HIBCH: variants seen among roughly 807,000 people sequenced by gnomAD.
HIBCH encodes 3-hydroxyisobutyryl-CoA hydrolase.
A neutral mutation model predicts 58.2 loss-of-function variants in HIBCH; 50 were observed. The ratio of observed to expected loss-of-function variants is 0.86; its 90% CI spans 0.68 to 1.09. The LOEUF is 1.09. HIBCH is among the 50% of genes least tolerant of loss of function. HIBCH has a pLI of 0.00. For synonymous variants in HIBCH, 151 were observed against 146.9 expected (o/e 1.03, Z -0.20); for missense variants, 450 against 449.7 (o/e 1.00, Z -0.01).
intron 11 of HIBCH, among the ~76,000 whole-genome samples, chr2:190,241,728 G>A (rs2105930137): frequency 6.6e-6 from 1 of 152,256 alleles, no homozygotes; most frequent in South Asian, 2.1e-4. Context: ...ATGAAGCTTA[G>A]TTTGGCTGGA....
At position 190,297,977 on chromosome 2, in the gene HIBCH, C is replaced by T. The variant is rs367732412; in HGVS notation, c.79-1024G>A. Among the ~76,000 whole-genome samples the T allele has an allele frequency of 7.9e-5, 11 of 139,744 alleles. No homozygotes were observed. In the East Asian group the frequency reaches 1.0e-3, roughly 13 times the overall value. 91.7% of individuals were successfully genotyped at this position (139,744 alleles called of 152,430 possible). On this transcript the variant is annotated intron_variant, in intron 2 of 13. Transcript: ENST00000359678. ...GTGTCTGTGTGTTCTCATTGTTCAA[C>T]TCCCACTTATCAGTGAGAACATATG...
intron 1 of HIBCH, among the ~76,000 whole-genome samples, chr2:190,194,731 T>C (rs978387302): frequency 1.3e-5 from 2 of 152,236 alleles, no homozygotes; most frequent in African/African-American, 4.8e-5. Context: ...CTGGTCTTTT[T>C]ACTGTCTCCA....
intron 6 of HIBCH, among the ~76,000 whole-genome samples, chr2:190,261,552 A>G (rs112048488): frequency 2.0e-5 from 3 of 151,966 alleles, no homozygotes; most frequent in South Asian, 2.1e-4. Flanking sequence ...TTTTTTCCCT[A>G]TGTATTTCTT....
intron 1 of HIBCH, among the ~76,000 whole-genome samples, chr2:190,193,060 G>C (rs1043516189): frequency 7.2e-5 from 11 of 152,052 alleles, no homozygotes; most frequent in Admixed American, 4.6e-4. Flanking sequence ...TCATGAGAAT[G>C]ACTATTGCTG....
chr2:190,266,121 A>C (rs1409268720), intron 6 of HIBCH, among the ~76,000 whole-genome samples: 1 of 152,178 alleles, frequency 6.6e-6, no homozygotes, highest in African/African-American at 2.4e-5. Flanking sequence ...GGGACAGATA[A>C]TGTATTCTGT....
chr2:190,264,768 C>CA (rs1429206424), intron 6 of HIBCH, among the ~76,000 whole-genome samples: 1 of 152,046 alleles, frequency 6.6e-6, no homozygotes, highest in Non-Finnish European at 1.5e-5. Context: ...TGTTTTGGTG[C>CA]AAAAGTGCAC....
chr2:190,231,725 G>A (rs1472535349), intron 11 of HIBCH, among the ~76,000 whole-genome samples: 1 of 152,060 alleles, frequency 6.6e-6, no homozygotes. Flanking sequence ...GTATGAGACG[G>A]AGGAAGGAAG....
chr2:190,302,766 G>T (rs985082464), intron 2 of HIBCH, among the ~76,000 whole-genome samples: 2 of 152,070 alleles, frequency 1.3e-5, no homozygotes, highest in Admixed American at 1.3e-4. Flanking sequence ...TCATTGGGGG[G>T]AACAGGATTT....
intron 1 of HIBCH, among the ~76,000 whole-genome samples, chr2:190,318,970 G>A (rs115380248): frequency 2.6e-5 from 4 of 152,202 alleles, no homozygotes; most frequent in Non-Finnish European, 5.9e-5. Context: ...AAACCCAGAA[G>A]GCAAACTCTA....
chr2:190,231,034 T>C (rs541848130), intron 11 of HIBCH, among the ~76,000 whole-genome samples: 18 of 152,330 alleles, frequency 1.2e-4, no homozygotes, highest in African/African-American at 3.1e-4. Flanking sequence ...TCAAAAGCCA[T>C]TGTCCCAGAA....
At position 190,210,293 on chromosome 2, in the gene HIBCH, C is replaced by T. The variant is rs1690487278; in HGVS notation, c.1012-1380G>A. On this transcript the variant is annotated intron_variant, in intron 12 of 13. Coordinates refer to ENST00000359678, the MANE Select transcript of HIBCH (RefSeq NM_014362.4). This position sits in a 1 kb window ranked among gnomAD's most constrained non-coding sequence, Gnocchi z 5.5. ...CAAATGACACTTCTAACCTCGTCTA[C>T]ACTTTGACAGCGTTCAACACTGTCC... 6.6e-6 allele frequency among the ~76,000 whole-genome samples: 1 copy of T among 152,208 alleles called. No homozygotes were observed. The highest frequency in any genetic ancestry group is 1.5e-5 in the Non-Finnish European group (1 of 68,046).
intron 1 of HIBCH, among the ~76,000 whole-genome samples, chr2:190,317,005 C>T (rs1276413509): frequency 1.3e-5 from 2 of 152,234 alleles, no homozygotes; most frequent in Non-Finnish European, 2.9e-5. Context: ...TAAACTTGAA[C>T]TCTGTGGCTC....
chr2:190,247,764 T>C (rs1466942178), intron 9 of HIBCH, among the ~76,000 whole-genome samples: 2 of 152,206 alleles, frequency 1.3e-5, no homozygotes, highest in South Asian at 2.1e-4. Flanking sequence ...CCAGTAGCCA[T>C]CAACATCTAG....
intron 1 of HIBCH, among the ~76,000 whole-genome samples, chr2:190,316,728 T>G (rs182890595): frequency 2.0e-5 from 3 of 152,306 alleles, no homozygotes; most frequent in African/African-American, 7.2e-5. Flanking sequence ...TTCAGGCTCA[T>G]GATTCCTAAC....
intron 2 of HIBCH, among the ~76,000 whole-genome samples, chr2:190,299,685 C>T (rs1035853147): frequency 4.6e-5 from 7 of 151,802 alleles, no homozygotes; most frequent in African/African-American, 1.7e-4. Flanking sequence ...GTTTTTTTAA[C>T]TTTTATTTTA....
At chr2:190,289,425 C>G (rs1687910192) in intron 5 of HIBCH, among the ~76,000 whole-genome samples, 1 of 151,982 alleles carries the variant, frequency 6.6e-6, no homozygotes, top group African/African-American at 2.4e-5. Flanking sequence ...TCTTTTAGTT[C>G]ATAAATATTT....
intron 6 of HIBCH, among the ~76,000 whole-genome samples, chr2:190,282,792 T>C (rs1426924536): frequency 6.6e-6 from 1 of 151,676 alleles, no homozygotes; most frequent in African/African-American, 2.4e-5. Flanking sequence ...TAGGGTATAA[T>C]TGTTTAAAAA....
At chr2:190,312,025 C>A (rs1011973531) in intron 1 of HIBCH, among the ~76,000 whole-genome samples, 1 of 152,124 alleles carries the variant, frequency 6.6e-6, no homozygotes, top group Non-Finnish European at 1.5e-5. Context: ...GATTACAGGA[C>A]TGCAGGTATA....
downstream of HIBCH, chr2:190,199,708 A>G: frequency 6.8e-7 from 1 of 1,460,040 alleles, no homozygotes; most frequent in Non-Finnish European, 9.0e-7. Flanking sequence ...TAAACACTAC[A>G]CGTGAAGAGT....
Sources: allele counts gnomAD v4.1 joint callset (sites outside exome capture counted in the v4.1 genomes callset), GRCh38; gene constraint gnomAD v4.1.1; non-coding constraint Gnocchi (gnomAD v3.1); transcripts MANE v1.5; gene names NCBI Gene and HGNC (gene_info 2026-07-23, HGNC 2026-07-21).